The following ING2 variants were observed in gnomAD, a reference collection of about 807,000 sequenced individuals.
ING2 encodes inhibitor of growth protein 2.
A neutral mutation model predicts 30.6 loss-of-function variants in ING2; 7 were observed. The ratio of observed to expected loss-of-function variants is 0.23; its 90% confidence interval spans 0.13 to 0.43. ING2 has a LOEUF of 0.43. Among genes scored for constraint, ING2 ranks in the 20% least tolerant of loss-of-function variants. The pLI is 1.00. For synonymous variants in ING2, 136 were observed against 121.7 expected (o/e 1.12, Z -0.78); for missense variants, 239 against 334.9 (o/e 0.71, Z 2.24).
In ING2 at chr4:183,505,131, GGCCGCGGCCGGTGCATGTGCGGCT is replaced by G. The variant is rs1017574114; in HGVS notation, c.-62_-39del. Reference sequence around the variant, plus strand: ...GGCTGCTGAGCTGAGGGCCCGCGGCGGCCGCGGCCGGTGCATGTGCGGCTGCTGGATGCGGAGGCGGCGGCGACG... The same window carrying G: ...GGCTGCTGAGCTGAGGGCCCGCGGCGGCTGGATGCGGAGGCGGCGGCGACG... On this transcript the variant is annotated 5_prime_UTR_variant, in exon 1 of 2. It removes an upstream start codon present in the reference 5' UTR. Transcript: ENST00000302327. 1 of 1,460,568 alleles carries G rather than the reference GGCCGCGGCCGGTGCATGTGCGGCT, an allele frequency of 6.8e-7. No homozygotes were observed. The highest frequency in any genetic ancestry group is 9.0e-7 in the Non-Finnish European group (1 of 1,107,792). The allele number at this position is 1,460,568 out of a possible 1,614,324, so 90.5% of individuals were successfully genotyped here.
chr4:183,507,583 A>C (rs1024279271), intron 1 of ING2, among the ~76,000 whole-genome samples: 1 of 152,196 alleles, frequency 6.6e-6, no homozygotes, highest in African/African-American at 2.4e-5. Flanking sequence ...AGATTGAGAG[A>C]TTATACAAAT....
Position 183,505,208 on chromosome 4 carries a change from C to A in ING2, c.13C>A (p.Gln5Lys). 6.2e-7 allele frequency: 1 copy of A among 1,600,516 alleles called. No individual in the cohort carries two copies. Among genetic ancestry groups the A allele is most frequent in the Non-Finnish European group, 8.5e-7 (1 of 1,174,960 alleles). The change falls in exon 1 of 2, where the codon CAG (glutamine) becomes AAG (lysine). Residue 5 changes from glutamine to lysine, a missense_variant. Around this residue, in one of 5 missense-constraint regions of ING2, gnomAD observed 80 missense variants for 102.4 expected, o/e 0.78. Transcript: ENST00000302327. MLGQ[Q>K]QQQLYSSAAL... ...GCGGATCGGCAGGATGTTAGGGCAGCAGCAGCAGCAACTGTACTCGTCGGC... is the reference window on the plus strand; with the variant it reads ...GCGGATCGGCAGGATGTTAGGGCAGAAGCAGCAGCAACTGTACTCGTCGGC...
chr4:183,505,390 C>T (rs1579166188), intron 1 of ING2, 23 bp downstream of exon 1: 2 of 1,509,146 alleles, frequency 1.3e-6, no homozygotes, highest in East Asian at 2.7e-5. Context: ...GGGCTGCCGG[C>T]CTCGGGAGCC....
intron 1 of ING2, chr4:183,506,389 G>A: frequency 9.5e-7 from 1 of 1,054,352 alleles, no homozygotes; most frequent in South Asian, 1.3e-5. Context: ...CAACCGCCTG[G>A]CGTCCCCGAG....
intron 1 of ING2, among the ~76,000 whole-genome samples, chr4:183,509,889 C>G (rs1734779259): frequency 6.6e-6 from 1 of 151,930 alleles, no homozygotes; most frequent in Admixed American, 6.6e-5. Context: ...GCGCCTGCCA[C>G]CATGCCCGGC....
Position 183,510,640 on chromosome 4 carries a change from A to C in ING2, c.531A>C (p.Pro177=). 6 of 1,614,164 alleles carry C rather than the reference A, an allele frequency of 3.7e-6. No individual in the cohort carries two copies. Among genetic ancestry groups the C allele is most frequent in the Non-Finnish European group, 5.1e-6 (6 of 1,180,002 alleles). The change falls in exon 2 of 2, where the codon CCA becomes CCC. Residue 177 remains proline, a synonymous_variant. Transcript: ENST00000302327. ...GGATTGAAGACTGTGATGATCAGCC[A>C]CCTAAAGAAAAGAAATCCAAGTCAG... ...ANGIEDCDDQ[P]PKEKKSKSAK...
intron 1 of ING2, among the ~76,000 whole-genome samples, chr4:183,507,339 G>A (rs971458739): frequency 2.0e-5 from 3 of 152,202 alleles, no homozygotes; most frequent in Non-Finnish European, 4.4e-5. Context: ...GACCTCAGGG[G>A]ACCCGCCCGC....
intron 1 of ING2, 111 bp from the exon 2 acceptor site, chr4:183,510,171 A>G: frequency 1.4e-6 from 1 of 727,294 alleles, no homozygotes; most frequent in Non-Finnish European, 2.3e-6. Context: ...AAAGAGGAGT[A>G]TGGTTTCATG....
chr4:183,509,792 G>C (rs1391264722), intron 1 of ING2, among the ~76,000 whole-genome samples: 2 of 144,212 alleles, frequency 1.4e-5, no homozygotes, highest in Non-Finnish European at 3.0e-5. Context: ...GGAGTGCAGC[G>C]GTGCGATCTC....
At chr4:183,510,246 A>G in intron 1 of ING2, 36 bp from the exon 2 acceptor site, 2 of 1,405,906 alleles carry the variant, frequency 1.4e-6, no homozygotes, top group Non-Finnish European at 1.9e-6. Context: ...CTGCTAACAC[A>G]TGATAACGTT....
rs1734830786 is a variant in ING2 at position 183,512,009 on chromosome 4, A to G, written c.*1057A>G. Reference sequence around the variant, plus strand: ...CATTTAATTAACTTATTTCATCATCATAATGCAATTAATGTATTTGTAAAT... The same window carrying G: ...CATTTAATTAACTTATTTCATCATCGTAATGCAATTAATGTATTTGTAAAT... On this transcript the variant is annotated 3_prime_UTR_variant, in exon 2 of 2. Transcript: ENST00000302327. 6.6e-6 allele frequency among the ~76,000 whole-genome samples: 1 copy of G among 152,210 alleles called. No homozygotes were observed. Among genetic ancestry groups the G allele is most frequent in the Non-Finnish European group, 1.5e-5 (1 of 68,038 alleles).
chr4:183,505,939 C>A, intron 1 of ING2: 1 of 337,418 alleles, frequency 3.0e-6, no homozygotes, highest in Non-Finnish European at 4.6e-6. Flanking sequence ...AGTTCGCGGG[C>A]GCCCCGCGTT....
At chr4:183,509,320 C>T (rs1319492107) in intron 1 of ING2, among the ~76,000 whole-genome samples, 1 of 152,180 alleles carries the variant, frequency 6.6e-6, no homozygotes, top group Non-Finnish European at 1.5e-5. Flanking sequence ...GAGCTGGACC[C>T]CAGCCTGCAC....
rs1734606264 is a variant in ING2, at chr4:183,505,239, TCCTGACCGGGGAGCGGAGCCGGCTGCTCA to T, written c.49_77del (p.Thr17LeufsTer7). On this transcript the variant is annotated frameshift_variant, in exon 1 of 2. Transcript: ENST00000302327. LOFTEE classifies it high-confidence loss of function. Reference sequence around the variant, plus strand: ...CAGCAACTGTACTCGTCGGCCGCGCTCCTGACCGGGGAGCGGAGCCGGCTGCTCACCTGCTACGTGCAGGACTACCTTGA... The same window carrying T: ...CAGCAACTGTACTCGTCGGCCGCGCTCCTGCTACGTGCAGGACTACCTTGA... 2 of 1,599,162 alleles carry T rather than the reference TCCTGACCGGGGAGCGGAGCCGGCTGCTCA, an allele frequency of 1.3e-6. No individual in the cohort carries two copies. The highest frequency in any genetic ancestry group is 1.3e-5 in the African/African-American group (1 of 74,320).
At chr4:183,508,297 C>T (rs907667761) in intron 1 of ING2, among the ~76,000 whole-genome samples, 5 of 151,876 alleles carry the variant, frequency 3.3e-5, no homozygotes, top group Admixed American at 6.6e-5. Context: ...ATATACTGTA[C>T]TTAGCCTCTA....
chr4:183,508,106 A>C (rs1734721264), intron 1 of ING2, among the ~76,000 whole-genome samples: 1 of 151,906 alleles, frequency 6.6e-6, no homozygotes, highest in African/African-American at 2.4e-5. Context: ...TTATCTCTTG[A>C]GTTGCAGTTT....
Position 183,506,365 on chromosome 4 carries a change from G to A in ING2, c.172+998G>A, listed in dbSNP as rs746065617. On this transcript the variant is annotated intron_variant, in intron 1 of 1. Transcript: ENST00000302327. ...ACTTCCGGGCTTCAGGAGGAAGTGG[G>A]TTGGTTGACTGGGCAACCGCCTGGC... The A allele has an allele frequency of 9.6e-6, 12 of 1,250,110 alleles. No homozygotes were observed. In the East Asian group the frequency reaches 2.3e-4, roughly 24 times the overall value. 77.4% of individuals were successfully genotyped at this position (1,250,110 alleles called of 1,614,324 possible).
In ING2 at chr4:183,508,042, C is replaced by T. The variant is rs547319871; in HGVS notation, c.173-2240C>T. On this transcript the variant is annotated intron_variant, in intron 1 of 1. Coordinates refer to ENST00000302327, the MANE Select transcript of ING2 (RefSeq NM_001564.4). ...CCTTTCATATAGTTTATAGAAAGTG[C>T]TTACACTGCGAGGTCAGACATACAG... is the stretch of plus-strand genomic sequence containing the variant. Among the ~76,000 whole-genome samples, 5 of 152,044 alleles carry T rather than the reference C, an allele frequency of 3.3e-5. No individual in the cohort carries two copies. The South Asian group carries it at 8.3e-4, about 25-fold the overall frequency.
At position 183,511,929 on chromosome 4, in the gene ING2, A is replaced by G. The variant is rs1229185308; in HGVS notation, c.*977A>G. ...CTGTCCCAATCAGTGACTATTTTAA[A>G]TAATAGTGTATTTACTGTCTTAACT... On this transcript the variant is annotated 3_prime_UTR_variant, in exon 2 of 2. Coordinates refer to ENST00000302327, the MANE Select transcript of ING2 (RefSeq NM_001564.4). Among the ~76,000 whole-genome samples, 1 of 152,190 alleles carries G rather than the reference A, an allele frequency of 6.6e-6. No homozygotes were observed. Among genetic ancestry groups the G allele is most frequent in the Non-Finnish European group, 1.5e-5 (1 of 68,038 alleles).
Sources: gnomAD v4.1 joint callset for allele counts (sites outside exome capture counted in the v4.1 genomes callset) on GRCh38, gnomAD v4.1.1 for gene constraint, gnomAD v4.1.1 regional missense constraint, MANE v1.5 for transcripts, NCBI Gene and HGNC (gene_info 2026-07-23, HGNC 2026-07-21) for gene names.